Variants in PHRF1 observed in about 807,000 individuals in gnomAD.
PHRF1 encodes the protein PHD and ring finger domains 1, also known as PHD and RING finger domain-containing protein 1.
In PHRF1, 53 loss-of-function variants were observed where a neutral mutation model predicts 128.9. The observed-to-expected ratio is 0.41, with a 90% confidence interval of 0.33 to 0.52. PHRF1 has a LOEUF of 0.52. Ranked by LOEUF, PHRF1 falls within the 20% of genes least tolerant of loss-of-function variation. The pLI, the probability that PHRF1 is intolerant of heterozygous loss-of-function variation, is 0.21. For synonymous variants in PHRF1, 1,178 were observed against 980.6 expected (o/e 1.20, Z -3.76); for missense variants, 2,503 against 2,284.5 (o/e 1.10, Z -1.95).
chr11:583,233 G>A (rs962348139), intron 3 of PHRF1, among the ~76,000 whole-genome samples: 1 of 152,010 alleles, frequency 6.6e-6, no homozygotes, highest in African/African-American at 2.4e-5. Context: ...CAGCTACTTG[G>A]GAGGCTGAGG....
intron 14 of PHRF1, 30 bp downstream of exon 14, chr11:609,750 CAG>C: frequency 3.6e-6 from 5 of 1,392,796 alleles, no homozygotes; most frequent in Non-Finnish European, 4.7e-6. Flanking sequence ...CCACCGAGGA[CAG>C]AGCCCCCAGT....
chr11:610,950 C>A lies in PHRF1; in HGVS notation c.4678-4C>A, dbSNP rs772173661. The A allele has an allele frequency of 3.7e-6, 6 of 1,612,956 alleles. No homozygotes were observed. The highest frequency in any genetic ancestry group is 5.1e-6 in the Non-Finnish European group (6 of 1,179,660). ...TGGCCGCATCACACACATGTCCCCT[C>A]TAGTACATGAAGAAGCTGCACATGC... On this transcript the variant is annotated splice_region_variant and splice_polypyrimidine_tract_variant and intron_variant, in intron 16 of 17. Coordinates refer to ENST00000264555, the MANE Select transcript of PHRF1 (RefSeq NM_001286581.2).
At chr11:610,803 A>T (rs760998195) in intron 16 of PHRF1, 42 bp downstream of exon 16, 12 of 1,589,912 alleles carry the variant, frequency 7.5e-6, no homozygotes, top group Admixed American at 6.7e-5. Flanking sequence ...TTCCCATCTT[A>T]CTTTGAAACT....
At chr11:605,959 G>A (rs1015720501) in intron 12 of PHRF1, among the ~76,000 whole-genome samples, 1 of 152,160 alleles carries the variant, frequency 6.6e-6, no homozygotes, top group Non-Finnish European at 1.5e-5. Flanking sequence ...GCAGCTCCAC[G>A]AGGTGGCCCC....
chr11:598,488 G>A lies in PHRF1; in HGVS notation c.1010G>A (p.Arg337Gln), dbSNP rs371813526. 3.0e-5 allele frequency: 49 copies of A among 1,608,674 alleles called. No homozygotes were observed. The highest frequency in any genetic ancestry group is 1.6e-4 in the Middle Eastern group (1 of 6,080). The stretch of plus-strand genomic sequence containing the variant: ...CTGACGCCGCGCACTCCCGCCCGAC[G>A]GAAGAGGAAGACAAGTAAGCCTGAA... ...RPLTPRTPAR[R>Q]KRKTRRRKKV... The change falls in exon 9 of 18, where the codon CGG becomes CAG. Residue 337 changes from arginine (R) to glutamine (Q), a missense_variant. By Grantham distance (43) the Arg-to-Gln change is conservative. Coordinates refer to ENST00000264555, the MANE Select transcript of PHRF1 (RefSeq NM_001286581.2).
chr11:611,692 C>A lies in PHRF1; in HGVS notation c.4865C>A (p.Ala1622Glu). The part of the protein sequence containing the change: ...NPVKVANLVK[A>E]YVDKYRHMRR... The stretch of plus-strand genomic sequence containing the variant: ...GTGAAGGTGGCCAACCTGGTGAAGG[C>A]GTACGTGGACAAGTACAGGCACATG... The change falls in exon 18 of 18, where the codon GCG becomes GAG. Residue 1622 changes from alanine (A) to glutamate (E), a missense_variant. Coordinates refer to ENST00000264555, the MANE Select transcript of PHRF1 (RefSeq NM_001286581.2). 1 of 1,613,144 alleles carries A rather than the reference C, an allele frequency of 6.2e-7. No homozygotes were observed. Among genetic ancestry groups the A allele is most frequent in the Non-Finnish European group, 8.5e-7 (1 of 1,179,844 alleles).
At chr11:610,065 C>G in intron 14 of PHRF1, 131 bp from the exon 15 acceptor site, 1 of 1,210,016 alleles carries the variant, frequency 8.3e-7, no homozygotes, top group Non-Finnish European at 1.1e-6. Flanking sequence ...CCCCTTGGTG[C>G]TGGGGGTGGA....
Position 611,914 on chromosome 11 carries a change from C to T in PHRF1, c.*137C>T, listed in dbSNP as rs758255741. 3.8e-5 allele frequency: 52 copies of T among 1,385,260 alleles called. No homozygotes were observed. In the South Asian group the frequency reaches 6.9e-4, roughly 18 times the overall value. The allele number at this position is 1,385,260 out of a possible 1,614,324, so 85.8% of individuals were successfully genotyped here. A position where few individuals can be genotyped will look rare whatever the true frequency, so the allele number is the denominator to read the frequency against. Reference sequence around the variant, plus strand: ...GTCGGGAGTGGCGGGAAATGGGGGGCATCACCATGCCTGCCGTCGGGTTCC... The same window carrying T: ...GTCGGGAGTGGCGGGAAATGGGGGGTATCACCATGCCTGCCGTCGGGTTCC... On this transcript the variant is annotated 3_prime_UTR_variant, in exon 18 of 18. Coordinates refer to ENST00000264555, the MANE Select transcript of PHRF1 (RefSeq NM_001286581.2).
At chr11:578,954 A>G (rs545441160) in intron 1 of PHRF1, among the ~76,000 whole-genome samples, 35 of 151,934 alleles carry the variant, frequency 2.3e-4, no homozygotes, top group East Asian at 1.7e-3. Flanking sequence ...GGTTCAAGCA[A>G]TTCTCCTCCG....
rs1439019415 is a variant in PHRF1, at chr11:596,975, T to C, written c.673T>C (p.Trp225Arg). 1 of 1,613,614 alleles carries C rather than the reference T, an allele frequency of 6.2e-7. No homozygotes were observed. Among genetic ancestry groups the C allele is most frequent in the Admixed American group, 1.7e-5 (1 of 59,992 alleles). The change falls in exon 7 of 18, where the codon TGG (tryptophan) becomes CGG (arginine). Residue 225 changes from tryptophan to arginine, a missense_variant. Coordinates refer to ENST00000264555, the MANE Select transcript of PHRF1 (RefSeq NM_001286581.2). ...TCTCCAGGAGGTGCCGGTGGACGAG[T>C]GGTTCTGCCCGGAATGTGCTGCGCC... The part of the protein sequence containing the change: ...PPLQEVPVDE[W>R]FCPECAAPGV...
rs1403432308 is a variant in PHRF1 at position 608,763 on chromosome 11, C to G, written c.3307C>G (p.His1103Asp). Residue 1103 changes from histidine (H) to aspartate (D), a missense_variant, in exon 14 of 18, where the codon CAC (histidine) becomes GAC (aspartate). Coordinates refer to ENST00000264555, the MANE Select transcript of PHRF1 (RefSeq NM_001286581.2). ...GAGCCCTGGCAGCTCTTCCTATGAG[C>G]ACTATGAGAGTAGGAAGAAGAAGAA... ...SGSPGSSSYE[H>D]YESRKKKKRR... is the part of the protein sequence containing the mutation. 1 of 1,611,644 alleles carries G rather than the reference C, an allele frequency of 6.2e-7. No individual in the cohort carries two copies. Among genetic ancestry groups the G allele is most frequent in the South Asian group, 1.1e-5 (1 of 90,992 alleles).
At chr11:594,366 G>C (rs577721640) in intron 6 of PHRF1, among the ~76,000 whole-genome samples, 7 of 152,366 alleles carry the variant, frequency 4.6e-5, no homozygotes, top group African/African-American at 1.2e-4. Flanking sequence ...AGGGCAGCTG[G>C]TAGGCCAGTT....
At position 601,688 on chromosome 11, in the gene PHRF1, G is replaced by A. The variant is rs1450608513; in HGVS notation, c.1139G>A (p.Gly380Glu). The change falls in exon 10 of 18, where the codon GGG becomes GAG. Residue 380 changes from glycine (G) to glutamate (E), a missense_variant. By Grantham distance (98) the Gly-to-Glu change is moderately conservative. Coordinates refer to ENST00000264555, the MANE Select transcript of PHRF1 (RefSeq NM_001286581.2). ...CAACATCGAGTGAAGAAGAGAAGAG[G>A]GAAGAAGGTAAAGGTGAGCATTGGG... ...KRQHRVKKRR[G>E]KKVKSEATTR... is the part of the protein sequence containing the mutation. 1.2e-6 allele frequency: 2 copies of A among 1,613,820 alleles called. No individual in the cohort carries two copies. Among genetic ancestry groups the A allele is most frequent in the Non-Finnish European group, 1.7e-6 (2 of 1,179,866 alleles).
chr11:603,951 C>T (rs1188909171), intron 10 of PHRF1, among the ~76,000 whole-genome samples: 1 of 152,090 alleles, frequency 6.6e-6, no homozygotes, highest in Non-Finnish European at 1.5e-5. Flanking sequence ...GATCCACCCA[C>T]CTTGGCCTCC....
intron 9 of PHRF1, among the ~76,000 whole-genome samples, chr11:599,410 C>G (rs1855503473): frequency 6.6e-6 from 1 of 151,878 alleles, no homozygotes; most frequent in East Asian, 1.9e-4. Flanking sequence ...GCCACCACAC[C>G]CACCTAGTTT....
rs748420330 is a variant in PHRF1 at position 608,464 on chromosome 11, A to G, written c.3008A>G (p.Lys1003Arg). 11 of 1,612,406 alleles carry G rather than the reference A, an allele frequency of 6.8e-6. No homozygotes were observed. Among genetic ancestry groups the G allele is most frequent in the Non-Finnish European group, 6.8e-6 (8 of 1,179,848 alleles). ...SRSTSSSRSR[K>R]KAKRKRVSRE... is the part of the protein sequence containing the mutation. ...TCCACATCCAGCTCCCGCAGCAGGA[A>G]GAAGGCCAAGAGGAAGAGGGTGTCC... Residue 1003 changes from lysine to arginine, a missense_variant, in exon 14 of 18, where the codon AAG becomes AGG. Coordinates refer to ENST00000264555, the MANE Select transcript of PHRF1 (RefSeq NM_001286581.2).
At position 597,159 on chromosome 11, in the gene PHRF1, G is replaced by A. The variant is rs1012603964; in HGVS notation, c.718+139G>A. The A allele has an allele frequency of 1.2e-5, 12 of 1,024,222 alleles. No homozygotes were observed. The highest frequency in any genetic ancestry group is 1.1e-4 in the South Asian group (7 of 64,554). The allele number at this position is 1,024,222 out of a possible 1,614,324, so 63.4% of individuals were successfully genotyped here. A position where few individuals can be genotyped will look rare whatever the true frequency, so the allele number is the denominator to read the frequency against. On this transcript the variant is annotated intron_variant, in intron 7 of 17. Coordinates refer to ENST00000264555, the MANE Select transcript of PHRF1 (RefSeq NM_001286581.2). This position sits in a 1 kb window ranked among gnomAD's most constrained non-coding sequence, Gnocchi z 6.5. ...GGGGGTTAGGGTTGGCTGCGGTGTC[G>A]GGAGGACATCTAGGGCTGTCTCGGG...
rs1854198427 is a variant in PHRF1 at position 581,502 on chromosome 11, A to C, written c.-11A>C. 6.2e-7 allele frequency: 1 copy of C among 1,613,242 alleles called. No homozygotes were observed. Among genetic ancestry groups the C allele is most frequent in the Non-Finnish European group, 8.5e-7 (1 of 1,179,750 alleles). On this transcript the variant is annotated 5_prime_UTR_variant, in exon 2 of 18. Transcript: ENST00000264555. ...TCTTCTTTCTTTCAGAGCTGAGCTC[A>C]ATGTGCAGCAATGGATGACGACAGC...
Position 607,924 on chromosome 11 carries a change from A to C in PHRF1, c.2468A>C (p.Lys823Thr). ...CCCCTCTTCTCCATCAAGAAGACGA[A>C]GCAGCTGCGGAGCGAGGTCTACGAC... ...PSPLFSIKKT[K>T]QLRSEVYDPS... The change falls in exon 14 of 18, where the codon AAG (lysine) becomes ACG (threonine). Residue 823 changes from lysine (K) to threonine (T), a missense_variant. Coordinates refer to ENST00000264555, the MANE Select transcript of PHRF1 (RefSeq NM_001286581.2). The C allele has an allele frequency of 6.2e-7, 1 of 1,612,550 alleles. No homozygotes were observed. The highest frequency in any genetic ancestry group is 8.5e-7 in the Non-Finnish European group (1 of 1,179,848).
Sources: gnomAD v4.1 joint callset for allele counts (sites outside exome capture counted in the v4.1 genomes callset) on GRCh38, gnomAD v4.1.1 for gene constraint, Gnocchi (gnomAD v3.1) non-coding constraint, MANE v1.5 for transcripts, NCBI Gene and HGNC (gene_info 2026-07-23, HGNC 2026-07-21) for gene names.